The following PCNX2 variants were observed in gnomAD, a reference collection of about 807,000 sequenced individuals.
The protein encoded by PCNX2 is pecanex 2, also known as pecanex-like protein 2.
PCNX2 carries 168 observed loss-of-function variants against 223.8 expected under a neutral mutation model. The ratio of observed to expected loss-of-function variants is 0.75; its 90% CI spans 0.66 to 0.85. The LOEUF is 0.85. Among genes scored for constraint, PCNX2 ranks in the 40% least tolerant of loss-of-function variants. The pLI is 0.00. For synonymous variants in PCNX2, 1,006 were observed against 1,052.6 expected (o/e 0.96, Z 0.86); for missense variants, 2,507 against 2,675.5 (o/e 0.94, Z 1.39).
the PCNX2 span, among the ~76,000 whole-genome samples, chr1:233,325,057 C>G: frequency 6.6e-6 from 1 of 152,202 alleles, no homozygotes; most frequent in Non-Finnish European, 1.5e-5. Flanking sequence ...AACACCCGTT[C>G]AGTAACCCAT....
At chr1:233,095,586 T>C (rs1674112550) in intron 22 of PCNX2, 169 bp downstream of exon 22, 1 of 630,466 alleles carries the variant, frequency 1.6e-6, no homozygotes, top group Non-Finnish European at 2.8e-6. Context: ...TAAAGAAATA[T>C]CTTTTAAGGC....
Position 232,986,484 on chromosome 1 carries a change from G to A in PCNX2, c.5848C>T (p.Pro1950Ser). ...VQAHSALSQR[P>S]PMLSSSGPIL... The stretch of plus-strand genomic sequence containing the variant: ...GGGCCAGATGAGCTCAGCATGGGCG[G>A]CCTTTGGCTTAGCGCTGAGTGTGCC... Residue 1950 changes from proline (P) to serine (S), a missense_variant, in exon 33 of 34, where the codon CCG (proline) becomes TCG (serine). Around this residue, in one of 3 missense-constraint regions of PCNX2, gnomAD observed 1,372 missense variants for 1,509.4 expected, o/e 0.91. Transcript: ENST00000258229. 6.3e-7 allele frequency: 1 copy of A among 1,593,398 alleles called. No homozygotes were observed. The highest frequency in any genetic ancestry group is 8.6e-7 in the Non-Finnish European group (1 of 1,168,630).
At chr1:232,998,113 GTC>G (rs1669941461) in intron 32 of PCNX2, 136 bp downstream of exon 32, 4 of 835,422 alleles carry the variant, frequency 4.8e-6, no homozygotes, top group Admixed American at 3.9e-5. Flanking sequence ...ACCTACAAGA[GTC>G]TGCAAATTTC....
At chr1:233,314,231 T>TAG in the PCNX2 span, among the ~76,000 whole-genome samples, 2 of 151,918 alleles carry the variant, frequency 1.3e-5, no homozygotes, top group African/African-American at 2.4e-5. Flanking sequence ...CATATATATT[T>TAG]AGAGAGAGAG....
the PCNX2 span, among the ~76,000 whole-genome samples, chr1:233,320,677 A>C: frequency 6.6e-6 from 1 of 152,194 alleles, no homozygotes; most frequent in African/African-American, 2.4e-5. Flanking sequence ...ACTTTTCTTT[A>C]ATACACTTTG....
chr1:233,068,847 AAT>A (rs1433543243), intron 23 of PCNX2, among the ~76,000 whole-genome samples: 1 of 152,108 alleles, frequency 6.6e-6, no homozygotes, highest in African/African-American at 2.4e-5. Flanking sequence ...TATAAGCCCT[AAT>A]ATGTCAATAA....
At chr1:233,083,133 T>C (rs1487731807) in intron 23 of PCNX2, among the ~76,000 whole-genome samples, 1 of 152,206 alleles carries the variant, frequency 6.6e-6, no homozygotes, top group Non-Finnish European at 1.5e-5. Flanking sequence ...ATTTGCAGAA[T>C]AGGTCCTTCT....
At chr1:233,250,638 A>T in intron 8 of PCNX2, 101 bp downstream of exon 8, 1 of 1,433,610 alleles carries the variant, frequency 7.0e-7, no homozygotes, top group Non-Finnish European at 9.1e-7. Flanking sequence ...CTACAAAGGG[A>T]TTAACACATT....
At chr1:233,295,960 C>G (rs1456165609), upstream of PCNX2, among the ~76,000 whole-genome samples, 2 of 140,212 alleles carry the variant, frequency 1.4e-5, no homozygotes, top group Non-Finnish European at 3.1e-5. This position sits in a 1 kb window ranked among gnomAD's most constrained non-coding sequence, Gnocchi z 4.1. Context: ...CTTTCTCTCT[C>G]TCTCTCTCTT....
chr1:233,107,980 G>A (rs888530921), intron 21 of PCNX2, among the ~76,000 whole-genome samples: 1 of 152,280 alleles, frequency 6.6e-6, no homozygotes, highest in African/African-American at 2.4e-5. Flanking sequence ...GACCTCTGTA[G>A]TCCTCACTGC....
At chr1:233,322,643 T>C in the PCNX2 span, among the ~76,000 whole-genome samples, 9 of 152,130 alleles carry the variant, frequency 5.9e-5, no homozygotes, top group African/African-American at 1.7e-4. Flanking sequence ...GCAGACTGGA[T>C]TCCTCTGGAA....
intron 32 of PCNX2, among the ~76,000 whole-genome samples, chr1:232,987,770 C>T (rs1669545024): frequency 6.6e-6 from 1 of 152,210 alleles, no homozygotes; most frequent in African/African-American, 2.4e-5. Flanking sequence ...CCCACCCCAC[C>T]CCACCGTGGC....
intron 26 of PCNX2, among the ~76,000 whole-genome samples, chr1:233,024,170 C>T (rs770838508): frequency 4.6e-5 from 7 of 152,336 alleles, no homozygotes; most frequent in South Asian, 2.1e-4. Flanking sequence ...CTGCCTTGGC[C>T]TCCCAAAGCT....
At chr1:233,017,773 GA>G (rs1237601085) in intron 26 of PCNX2, among the ~76,000 whole-genome samples, 3 of 152,228 alleles carry the variant, frequency 2.0e-5, no homozygotes, top group Non-Finnish European at 4.4e-5. Flanking sequence ...TCTTAGGGAA[GA>G]GGAAAGTGAG....
In PCNX2 at chr1:232,986,870, C is replaced by T. The variant is rs183528247; in HGVS notation, c.5792-330G>A. Among the ~76,000 whole-genome samples, 43 of 152,314 alleles carry T rather than the reference C, an allele frequency of 2.8e-4. 1 individual carries two copies. The highest frequency in any genetic ancestry group is 2.4e-3 in the Admixed American group (36 of 15,304). On this transcript the variant is annotated intron_variant, in intron 32 of 33. Transcript: ENST00000258229. ...TTCTAGCACTGAAAAGTCCCACATG[C>T]CTGGAAGCTGCTTACTTCAGGCGAA... is the stretch of plus-strand genomic sequence containing the variant.
Position 233,165,810 on chromosome 1 carries a change from C to G in PCNX2, c.3274-4447G>C, listed in dbSNP as rs1678760386. Among the ~76,000 whole-genome samples the G allele has an allele frequency of 2.0e-5, 3 of 152,012 alleles. No homozygotes were observed. The South Asian group carries it at 6.2e-4, about 32-fold the overall frequency. ...TTCTCACAAAACTGATTGATAAATT[C>G]AATGAAATTGTAATGAAAATTCTAG... On this transcript the variant is annotated intron_variant, in intron 17 of 33. Coordinates refer to ENST00000258229, the MANE Select transcript of PCNX2 (RefSeq NM_014801.4).
intron 15 of PCNX2, among the ~76,000 whole-genome samples, chr1:233,183,215 G>A (rs924372786): frequency 2.6e-5 from 4 of 152,124 alleles, no homozygotes; most frequent in South Asian, 2.1e-4. Context: ...CATCCCTGAA[G>A]CAGCATCTCC....
At chr1:233,323,163 A>G in the PCNX2 span, among the ~76,000 whole-genome samples, 4 of 152,230 alleles carry the variant, frequency 2.6e-5, no homozygotes, top group African/African-American at 2.4e-5. Flanking sequence ...TTGAAATGAC[A>G]TAAGGCTGTT....
intron 19 of PCNX2, among the ~76,000 whole-genome samples, chr1:233,150,099 C>A (rs963972847): frequency 6.6e-6 from 1 of 152,090 alleles, no homozygotes; most frequent in Admixed American, 6.6e-5. Context: ...GCCAGCGGGG[C>A]CAGGACCGTC....
Sources: allele counts gnomAD v4.1 joint callset (sites outside exome capture counted in the v4.1 genomes callset), GRCh38; gene constraint gnomAD v4.1.1; regional missense constraint gnomAD v4.1.1; non-coding constraint Gnocchi (gnomAD v3.1); transcripts MANE v1.5; gene names NCBI Gene and HGNC (gene_info 2026-07-23, HGNC 2026-07-21).